The following NINL variants were observed in gnomAD, a reference collection of about 807,000 sequenced individuals.
The protein encoded by NINL is ninein-like protein.
Under a neutral mutation model 160.3 loss-of-function variants are expected in NINL, and 153 were observed. That is an observed-to-expected ratio of 0.95 (90% CI 0.84 to 1.09). The LOEUF is 1.09. NINL is among the 50% of genes least tolerant of loss of function. The pLI is 0.00. For missense variants in NINL, 1,829 were observed against 1,764.0 expected, an observed-to-expected ratio of 1.04 and a Z score of -0.66; for synonymous variants, 800 against 734.8, an observed-to-expected ratio of 1.09 and a Z score of -1.43.
intron 1 of NINL, among the ~76,000 whole-genome samples, chr20:25,581,446 T>TAAA (rs10642894): frequency 9.6e-4 from 142 of 147,220 alleles, no homozygotes; most frequent in African/African-American, 1.4e-3. Context: ...CTTCTCAGTT[T>TAAA]AAAAAAAAAA....
chr20:25,554,114 C>T (rs2064836395), intron 1 of NINL, among the ~76,000 whole-genome samples: 1 of 152,152 alleles, frequency 6.6e-6, no homozygotes, highest in South Asian at 2.1e-4. Context: ...AGGCAACGTT[C>T]AGGAAGGGGC....
intron 1 of NINL, among the ~76,000 whole-genome samples, chr20:25,576,465 A>C (rs2065117152): frequency 6.6e-6 from 1 of 151,848 alleles, no homozygotes; most frequent in Admixed American, 6.6e-5. Flanking sequence ...TTTTTATTTT[A>C]TTTTACTTTT....
intron 1 of NINL, among the ~76,000 whole-genome samples, chr20:25,552,380 C>T (rs996755200): frequency 3.3e-5 from 5 of 151,958 alleles, no homozygotes; most frequent in Admixed American, 6.6e-5. Flanking sequence ...TCAAAAAGAA[C>T]GCTGACAAAC....
intron 7 of NINL, among the ~76,000 whole-genome samples, chr20:25,502,261 C>T (rs532224373): frequency 4.6e-5 from 7 of 152,258 alleles, no homozygotes; most frequent in East Asian, 1.9e-4. Context: ...GTATTACAGA[C>T]GTGAGCCACC....
At chr20:25,521,445 T>G (rs375435642) in intron 2 of NINL, among the ~76,000 whole-genome samples, 13 of 152,264 alleles carry the variant, frequency 8.5e-5, no homozygotes, top group East Asian at 3.8e-4. Context: ...GTCAGTTGTT[T>G]CTGCTAGTTC....
chr20:25,468,791 C>CTGT (rs2062997616), intron 18 of NINL, among the ~76,000 whole-genome samples: 1 of 142,622 alleles, frequency 7.0e-6, no homozygotes, highest in Admixed American at 6.9e-5. Flanking sequence ...TTGCCCTGTC[C>CTGT]CCCTGACTCT....
chr20:25,478,626 G>A (rs1207975120), intron 16 of NINL, among the ~76,000 whole-genome samples: 3 of 152,214 alleles, frequency 2.0e-5, no homozygotes, highest in Admixed American at 2.0e-4. Flanking sequence ...AGAAGCGGGT[G>A]TCTCTGAGCG....
chr20:25,467,748 G>A (rs1000342151), intron 18 of NINL, among the ~76,000 whole-genome samples: 5 of 152,252 alleles, frequency 3.3e-5, no homozygotes, highest in Admixed American at 1.3e-4. Flanking sequence ...CTGTAAGAAC[G>A]CACACCCTGC....
chr20:25,519,096 CAAA>C (rs60327668), intron 2 of NINL, among the ~76,000 whole-genome samples: 1 of 91,916 alleles, frequency 1.1e-5, no homozygotes, highest in East Asian at 2.6e-4. Flanking sequence ...GACTCTGTCT[CAAA>C]AAAAAAAAAA....
intron 13 of NINL, among the ~76,000 whole-genome samples, chr20:25,487,603 G>GA (rs1221949075): frequency 1.3e-5 from 2 of 152,010 alleles, no homozygotes; most frequent in African/African-American, 4.8e-5. Context: ...TTTTGATGGT[G>GA]AAAAAAATGT....
At chr20:25,502,743 C>T (rs2063892260) in intron 7 of NINL, among the ~76,000 whole-genome samples, 1 of 152,118 alleles carries the variant, frequency 6.6e-6, no homozygotes. Context: ...TCACACCTCC[C>T]CCCTCGCTTT....
chr20:25,508,263 C>T (rs945885090), intron 5 of NINL, among the ~76,000 whole-genome samples: 5 of 152,242 alleles, frequency 3.3e-5, no homozygotes, highest in African/African-American at 1.2e-4. Context: ...GCAGAAATCC[C>T]AGGGCAATGC....
At chr20:25,537,112 G>C (rs984754905) in intron 1 of NINL, among the ~76,000 whole-genome samples, 3 of 152,056 alleles carry the variant, frequency 2.0e-5, no homozygotes, top group African/African-American at 7.2e-5. Context: ...TTTGAAACAG[G>C]GTCTCCCTCT....
intron 20 of NINL, among the ~76,000 whole-genome samples, 172 bp from the exon 21 acceptor site, chr20:25,461,807 C>A (rs559968960): frequency 6.6e-6 from 1 of 152,212 alleles, no homozygotes; most frequent in South Asian, 2.1e-4. Context: ...CCCGGCCCCT[C>A]CTCTACACAC....
At position 25,476,425 on chromosome 20, in the gene NINL, G is replaced by A. The variant is rs746457385; in HGVS notation, c.2866C>T (p.Arg956Trp). The A allele has an allele frequency of 5.2e-5, 83 of 1,609,516 alleles. No individual in the cohort carries two copies. The highest frequency in any genetic ancestry group is 1.6e-4 in the Middle Eastern group (1 of 6,078). The change falls in exon 17 of 24, where the codon CGG (arginine) becomes TGG (tryptophan). Residue 956 changes from arginine to tryptophan, a missense_variant. Arg to Trp is a moderately radical substitution (Grantham distance 101). Coordinates refer to ENST00000278886, the MANE Select transcript of NINL (RefSeq NM_025176.6). ...GGCCTCAGGGGTGGCTCCCACATCC[G>A]TGGCTGGGTTTGCGAGGCGTCTCTC... Reference protein sequence around the residue: ...TERDASQTQPRMWEPPLRPAA... With the variant: ...TERDASQTQPWMWEPPLRPAA...
At position 25,460,503 on chromosome 20, in the gene NINL, C is replaced by T. The variant is rs538389436; in HGVS notation, c.3696+1019G>A. Among the ~76,000 whole-genome samples the T allele has an allele frequency of 1.8e-3, 268 of 152,274 alleles. 2 individuals are homozygous for T. Among genetic ancestry groups the T allele is most frequent in the Non-Finnish European group, 2.8e-3 (188 of 68,010 alleles). On this transcript the variant is annotated intron_variant, in intron 21 of 23. Coordinates refer to ENST00000278886, the MANE Select transcript of NINL (RefSeq NM_025176.6). ...GCGCCAGGTGCTGAGGAAGTGCTGG[C>T]CTTTTCAGGTGGCCTTACTCCTCAC... is the stretch of plus-strand genomic sequence containing the variant.
At chr20:25,529,339 T>G (rs1378692577) in intron 1 of NINL, among the ~76,000 whole-genome samples, 1 of 152,196 alleles carries the variant, frequency 6.6e-6, no homozygotes, top group Non-Finnish European at 1.5e-5. Flanking sequence ...TGAACACATC[T>G]GACCTTTTAA....
At chr20:25,494,534 C>T (rs564599337) in intron 10 of NINL, among the ~76,000 whole-genome samples, 1 of 152,320 alleles carries the variant, frequency 6.6e-6, no homozygotes, top group Admixed American at 6.5e-5. Context: ...TGTAGAGGCA[C>T]ATGTAGATCT....
In NINL at chr20:25,476,611, CG is replaced by C; in HGVS notation, c.2679del (p.Ala894ProfsTer69). 1 of 1,594,764 alleles carries C rather than the reference CG, an allele frequency of 6.3e-7. No homozygotes were observed. Among genetic ancestry groups the C allele is most frequent in the Non-Finnish European group, 8.5e-7 (1 of 1,177,538 alleles). ...QDTEATQSPA[P>X]APAPASHGPS... The stretch of plus-strand genomic sequence containing the variant: ...GGGCCGTGGGATGCCGGGGCAGGGG[CG>C]GGGGCCGGGCTCTGCGTAGCTTCTG... On this transcript the variant is annotated frameshift_variant, in exon 17 of 24. Transcript: ENST00000278886. LOFTEE classifies it high-confidence loss of function.
Sources: allele counts gnomAD v4.1 joint callset (sites outside exome capture counted in the v4.1 genomes callset), GRCh38; gene constraint gnomAD v4.1.1; transcripts MANE v1.5; gene names NCBI Gene and HGNC (gene_info 2026-07-23, HGNC 2026-07-21).